DOK6: variants seen among roughly 807,000 people sequenced by gnomAD.
DOK6 encodes the protein downstream of tyrosine kinase 6.
DOK6 carries 22 observed loss-of-function variants against 44.0 expected under a neutral mutation model. The observed-to-expected ratio is 0.50, with a 90% CI of 0.36 to 0.71. DOK6 has a LOEUF of 0.71. DOK6 is among the 30% of genes least tolerant of loss of function. The pLI is 0.00. For missense variants in DOK6, 340 were observed against 416.4 expected (o/e 0.82, Z 1.60); for synonymous variants, 166 against 145.5 (o/e 1.14, Z -1.01).
At chr18:69,820,525 C>G (rs1207330974) in intron 7 of DOK6, among the ~76,000 whole-genome samples, 1 of 152,108 alleles carries the variant, frequency 6.6e-6, no homozygotes, top group African/African-American at 2.4e-5. Flanking sequence ...CTTAAACTTG[C>G]TATTTTTAAA....
chr18:69,681,925 G>C (rs1986054764), intron 4 of DOK6, among the ~76,000 whole-genome samples: 1 of 152,154 alleles, frequency 6.6e-6, no homozygotes, highest in South Asian at 2.1e-4. Flanking sequence ...TCTCCATCTG[G>C]AACAAAAATA....
chr18:69,818,196 C>T (rs1981457508), intron 7 of DOK6, among the ~76,000 whole-genome samples: 1 of 152,148 alleles, frequency 6.6e-6, no homozygotes, highest in Non-Finnish European at 1.5e-5. Flanking sequence ...ATTTTGGCAG[C>T]AGGGGCTCTC....
Position 69,784,239 on chromosome 18 carries a change from A to G in DOK6, c.856+26366A>G, listed in dbSNP as rs183057212. On this transcript the variant is annotated intron_variant, in intron 7 of 7. Transcript: ENST00000382713. ...CCCTTTTGTTAATATCATTACCATCATAACGGATTACAAGTTAATTTTTGA... is the reference window on the plus strand; with the variant it reads ...CCCTTTTGTTAATATCATTACCATCGTAACGGATTACAAGTTAATTTTTGA... 4.3e-4 allele frequency among the ~76,000 whole-genome samples: 66 copies of G among 152,268 alleles called. 1 individual carries two copies. In the East Asian group the frequency reaches 0.012, roughly 28 times the overall value.
intron 1 of DOK6, among the ~76,000 whole-genome samples, chr18:69,511,276 T>A (rs1291469322): frequency 6.6e-6 from 1 of 152,166 alleles, no homozygotes; most frequent in Non-Finnish European, 1.5e-5. Flanking sequence ...ATATTCCTTT[T>A]TTGGAATGCA....
intron 6 of DOK6, among the ~76,000 whole-genome samples, chr18:69,757,462 A>G (rs1356479219): frequency 1.3e-5 from 2 of 152,226 alleles, no homozygotes; most frequent in Non-Finnish European, 1.5e-5. Context: ...TGGAGTGAGT[A>G]CAATTGATCA....
intron 1 of DOK6, among the ~76,000 whole-genome samples, chr18:69,467,158 A>G (rs1483769524): frequency 6.6e-6 from 1 of 152,130 alleles, no homozygotes; most frequent in Non-Finnish European, 1.5e-5. Flanking sequence ...TTGTAAACCA[A>G]AGAGGAGGAT....
At chr18:69,647,665 G>A (rs1386387546) in intron 3 of DOK6, 4 of 152,196 alleles carry the variant, frequency 2.6e-5, no homozygotes, top group Non-Finnish European at 5.9e-5. Context: ...CCACTCCCTG[G>A]ACTCCCCATA....
At chr18:69,684,475 T>C (rs1051827040) in intron 4 of DOK6, among the ~76,000 whole-genome samples, 4 of 146,766 alleles carry the variant, frequency 2.7e-5, no homozygotes, top group Admixed American at 7.2e-5. Flanking sequence ...AGAATAAAGA[T>C]GCAGATTTTG....
At chr18:69,647,376 A>G (rs918571179) in intron 3 of DOK6, 1 of 152,146 alleles carries the variant, frequency 6.6e-6, no homozygotes. Context: ...GGGTATGTAG[A>G]GAAATAAGGC....
At position 69,620,031 on chromosome 18, in the gene DOK6, AAAT is replaced by A. The variant is rs1358247868; in HGVS notation, c.289+20541_289+20543del. 5.3e-5 allele frequency among the ~76,000 whole-genome samples: 8 copies of A among 152,282 alleles called. No homozygotes were observed. In the South Asian group the frequency reaches 6.2e-4, roughly 12 times the overall value. Reference sequence around the variant, plus strand: ...ATGTATTATTAAAACATACATAAACAAATAATAATATTACAAACACTTGTGAAC... The same window carrying A: ...ATGTATTATTAAAACATACATAAACAAATAATATTACAAACACTTGTGAAC... On this transcript the variant is annotated intron_variant, in intron 3 of 7. Transcript: ENST00000382713.
intron 4 of DOK6, among the ~76,000 whole-genome samples, chr18:69,696,624 GA>G (rs1311755405): frequency 6.6e-6 from 1 of 152,180 alleles, no homozygotes; most frequent in African/African-American, 2.4e-5. Flanking sequence ...TATAGGAGCT[GA>G]AATTTATCAA....
chr18:69,556,604 T>C (rs943892591), intron 1 of DOK6, among the ~76,000 whole-genome samples: 1 of 152,218 alleles, frequency 6.6e-6, no homozygotes, highest in Non-Finnish European at 1.5e-5. Context: ...TGGTTTTTGT[T>C]GTTATTATTT....
intron 5 of DOK6, among the ~76,000 whole-genome samples, chr18:69,738,600 G>C (rs752181628): frequency 6.6e-6 from 1 of 152,118 alleles, no homozygotes; most frequent in Non-Finnish European, 1.5e-5. Flanking sequence ...CTGCATAACA[G>C]TTTGCCCATA....
intron 1 of DOK6, among the ~76,000 whole-genome samples, chr18:69,507,976 C>T (rs1333161354): frequency 1.3e-5 from 2 of 151,930 alleles, no homozygotes; most frequent in African/African-American, 4.8e-5. Flanking sequence ...CAGTCTTTCA[C>T]CTTTATGTAT....
At chr18:69,832,552 G>A (rs1441895938) in intron 7 of DOK6, 2 of 151,906 alleles carry the variant, frequency 1.3e-5, no homozygotes, top group African/African-American at 4.8e-5. Context: ...GAGTAGGTTT[G>A]GAAGTATTAT....
chr18:69,803,307 C>T (rs778622561), intron 7 of DOK6, among the ~76,000 whole-genome samples: 3 of 152,088 alleles, frequency 2.0e-5, no homozygotes, highest in Admixed American at 2.0e-4. Context: ...ATATCACAGA[C>T]ATTTGATAAT....
intron 2 of DOK6, 138 bp from the exon 3 acceptor site, chr18:69,599,246 G>A (rs750622481): frequency 1.7e-5 from 11 of 631,196 alleles, no homozygotes; most frequent in South Asian, 1.2e-4. Context: ...TACTGTTTTT[G>A]GCTAAAGTCA....
At chr18:69,607,485 T>C (rs1984030454) in intron 3 of DOK6, among the ~76,000 whole-genome samples, 1 of 146,430 alleles carries the variant, frequency 6.8e-6, no homozygotes, top group Non-Finnish European at 1.5e-5. Context: ...ACAAAATAGA[T>C]CATTTCCTTG....
rs779319891 is a variant in DOK6, at chr18:69,839,950, A to AT, written c.857-1289dup. Reference sequence around the variant, plus strand: ...AAAACAACTTTTTTTTTAATGCAAGATTTTTCTCTCAGTATTTTGACATTT... The same window carrying AT: ...AAAACAACTTTTTTTTTAATGCAAGATTTTTTCTCTCAGTATTTTGACATTT... On this transcript the variant is annotated intron_variant, in intron 7 of 7. Transcript: ENST00000382713. Among the ~76,000 whole-genome samples the AT allele has an allele frequency of 1.4e-4, 21 of 152,160 alleles. No individual in the cohort carries two copies. The East Asian group carries it at 3.5e-3, about 25-fold the overall frequency.
Sources: allele counts gnomAD v4.1 joint callset (sites outside exome capture counted in the v4.1 genomes callset), GRCh38; gene constraint gnomAD v4.1.1; transcripts MANE v1.5; gene names NCBI Gene and HGNC (gene_info 2026-07-23, HGNC 2026-07-21).